Variants in PKP1 observed in about 807,000 individuals in gnomAD.
PKP1 encodes the protein plakophilin 1, also known as plakophilin-1.
Under a neutral mutation model 76.4 loss-of-function variants are expected in PKP1, and 27 were observed. That is an observed-to-expected ratio of 0.35 (90% CI 0.26 to 0.49). The LOEUF is 0.49. Among genes scored for constraint, PKP1 ranks in the 20% least tolerant of loss-of-function variants. The pLI, the probability that PKP1 is intolerant of heterozygous loss-of-function variation, is 0.99. For synonymous variants in PKP1, 404 were observed against 384.2 expected (o/e 1.05, Z -0.60); for missense variants, 964 against 955.2 (o/e 1.01, Z -0.12).
At chr1:201,324,352 G>T (rs1657043010) in intron 9 of PKP1, 76 bp from the exon 10 acceptor site, 3 of 1,490,140 alleles carry the variant, frequency 2.0e-6, no homozygotes, top group Non-Finnish European at 2.8e-6. Flanking sequence ...TGCCTTTGGG[G>T]CTCCTTGCCC....
chr1:201,325,022 C>G lies in PKP1; in HGVS notation c.1916C>G (p.Ser639Trp). Residue 639 changes from serine to tryptophan, a missense_variant, in exon 11 of 14, where the codon TCG (serine) becomes TGG (tryptophan). Ser to Trp is a radical substitution (Grantham distance 177, BLOSUM62 -3). Transcript: ENST00000367324. ...NTSNSEDILS[S>W]ACYTVRNLMA... ...AGCAACTCCGAAGACATCTTGTCCT[C>G]GGCCTGCTACACTGTGAGGAACCTG... 1 of 1,613,874 alleles carries G rather than the reference C, an allele frequency of 6.2e-7. No homozygotes were observed. The highest frequency in any genetic ancestry group is 8.5e-7 in the Non-Finnish European group (1 of 1,180,020).
At position 201,325,741 on chromosome 1, in the gene PKP1, C is replaced by T. The variant is rs957823901; in HGVS notation, c.2022-13C>T. 3 of 1,606,454 alleles carry T rather than the reference C, an allele frequency of 1.9e-6. No individual in the cohort carries two copies. Among genetic ancestry groups the T allele is most frequent in the Non-Finnish European group, 8.5e-7 (1 of 1,173,032 alleles). ...GGAATCTCATCTCACAAATGCACTT[C>T]TCACCTGCCCAGTGCCTCACCCAAG... is the stretch of plus-strand genomic sequence containing the variant. On this transcript the variant is annotated splice_polypyrimidine_tract_variant and intron_variant, in intron 11 of 13. Transcript: ENST00000367324.
chr1:201,287,831 G>A (rs1042248011), intron 1 of PKP1, among the ~76,000 whole-genome samples: 6 of 152,200 alleles, frequency 3.9e-5, no homozygotes, highest in South Asian at 2.1e-4. Flanking sequence ...GCGCTTCTGC[G>A]ATGGGCCGTG....
At chr1:201,314,986 T>G (rs1656680925) in intron 3 of PKP1, among the ~76,000 whole-genome samples, 1 of 152,266 alleles carries the variant, frequency 6.6e-6, no homozygotes, top group Non-Finnish European at 1.5e-5. Flanking sequence ...CAGCTGGCTC[T>G]CCATCCTGTG....
chr1:201,308,699 C>T (rs1224018897), intron 2 of PKP1, among the ~76,000 whole-genome samples: 4 of 148,744 alleles, frequency 2.7e-5, no homozygotes, highest in African/African-American at 1.0e-4. Flanking sequence ...GAGGGGTGTG[C>T]TGGGGAGGGG....
At chr1:201,321,438 G>A (rs1049919586) in intron 7 of PKP1, among the ~76,000 whole-genome samples, 16 of 152,272 alleles carry the variant, frequency 1.1e-4, no homozygotes, top group Admixed American at 9.8e-4. Context: ...GGCTCCAGGT[G>A]TTGCTGTGTT....
chr1:201,291,545 T>C (rs1018442653), intron 1 of PKP1, among the ~76,000 whole-genome samples: 9 of 152,098 alleles, frequency 5.9e-5, no homozygotes, highest in Admixed American at 4.6e-4. Context: ...AGCAGCATCA[T>C]GCTGACAGGT....
chr1:201,318,238 G>T (rs933900618), intron 5 of PKP1, among the ~76,000 whole-genome samples: 6 of 152,224 alleles, frequency 3.9e-5, no homozygotes, highest in Non-Finnish European at 8.8e-5. Context: ...ATCAGACCAT[G>T]TACAGAGTAA....
chr1:201,292,062 C>A (rs555355824), intron 1 of PKP1, among the ~76,000 whole-genome samples: 1 of 152,176 alleles, frequency 6.6e-6, no homozygotes, highest in African/African-American at 2.4e-5. Flanking sequence ...TGCTCATAGG[C>A]GGATGGCCCT....
At chr1:201,298,633 C>A (rs73074603) in intron 2 of PKP1, among the ~76,000 whole-genome samples, 2,240 of 152,248 alleles carry the variant, frequency 0.015, 54 homozygotes, top group African/African-American at 0.052. Flanking sequence ...CAGTTAAATC[C>A]AGCCTGGCAT....
chr1:201,293,898 AG>A (rs1323647265), intron 1 of PKP1, 43 bp from the exon 2 acceptor site: 7 of 1,293,786 alleles, frequency 5.4e-6, no homozygotes, highest in Non-Finnish European at 7.8e-6. Flanking sequence ...GGGTGGATGA[AG>A]ATCATGGCCA....
chr1:201,312,287 A>G (rs1656578157), intron 2 of PKP1, among the ~76,000 whole-genome samples: 1 of 152,230 alleles, frequency 6.6e-6, no homozygotes, highest in South Asian at 2.1e-4. Context: ...GAACAGTAGA[A>G]AACAGTCCTG....
At chr1:201,286,524 G>T (rs75721015) in intron 1 of PKP1, among the ~76,000 whole-genome samples, 2,454 of 152,246 alleles carry the variant, frequency 0.016, 59 homozygotes, top group African/African-American at 0.055. Context: ...GAGGACTGGA[G>T]GAAGGGCCCC....
intron 2 of PKP1, among the ~76,000 whole-genome samples, chr1:201,303,721 A>C (rs1339670137): frequency 1.3e-5 from 2 of 152,218 alleles, no homozygotes; most frequent in Non-Finnish European, 2.9e-5. Flanking sequence ...AAAATGGGAA[A>C]AAGAAGTCCT....
chr1:201,328,584 G>C, intron 12 of PKP1, 178 bp from the exon 13 acceptor site: 3 of 676,826 alleles, frequency 4.4e-6, no homozygotes, highest in East Asian at 5.4e-5. Flanking sequence ...CTCATGGAGA[G>C]TTATTATGTT....
intron 2 of PKP1, among the ~76,000 whole-genome samples, chr1:201,312,169 G>T (rs1656575897): frequency 6.6e-6 from 1 of 152,234 alleles, no homozygotes; most frequent in African/African-American, 2.4e-5. Flanking sequence ...CCTTGTAAAA[G>T]GGCCCAGGGA....
Position 201,318,678 on chromosome 1 carries a change from T to C in PKP1, c.1115T>C (p.Leu372Pro), listed in dbSNP as rs1270828236. Residue 372 changes from leucine (L) to proline (P), a missense_variant, in exon 6 of 14, where the codon CTG becomes CCG. Transcript: ENST00000367324. ...ELKEELIADA[L>P]PVLADRVIIP... Reference sequence around the variant, plus strand: ...AAGGAGGAACTCATTGCCGACGCCCTGCCTGTTCTGGCCGACCGCGTCATC... The same window carrying C: ...AAGGAGGAACTCATTGCCGACGCCCCGCCTGTTCTGGCCGACCGCGTCATC... The C allele has an allele frequency of 3.7e-6, 6 of 1,612,280 alleles. No individual in the cohort carries two copies. Among genetic ancestry groups the C allele is most frequent in the Non-Finnish European group, 5.1e-6 (6 of 1,179,944 alleles).
chr1:201,294,282 T>C (rs1311919955), intron 2 of PKP1, among the ~76,000 whole-genome samples: 1 of 152,246 alleles, frequency 6.6e-6, no homozygotes, highest in Admixed American at 6.5e-5. Flanking sequence ...AGGAAAAGCA[T>C]TTTTAAAAGG....
intron 2 of PKP1, among the ~76,000 whole-genome samples, chr1:201,295,284 G>C (rs1462906748): frequency 6.6e-6 from 1 of 152,108 alleles, no homozygotes; most frequent in Non-Finnish European, 1.5e-5. Context: ...AATTTTGGAG[G>C]CTATGTCTTT....
Sources: allele counts gnomAD v4.1 joint callset (sites outside exome capture counted in the v4.1 genomes callset), GRCh38; gene constraint gnomAD v4.1.1; transcripts MANE v1.5; gene names NCBI Gene and HGNC (gene_info 2026-07-23, HGNC 2026-07-21).